PEAK1: variants seen among roughly 807,000 people sequenced by gnomAD.
PEAK1 encodes the protein pseudopodium enriched atypical kinase 1.
A neutral mutation model predicts 124.7 loss-of-function variants in PEAK1; 54 were observed. The observed-to-expected ratio is 0.43, with a 90% confidence interval of 0.35 to 0.54. PEAK1 has a LOEUF of 0.54. Among genes scored for constraint, PEAK1 ranks in the 20% least tolerant of loss-of-function variants. PEAK1 has a pLI of 0.01. For synonymous variants in PEAK1, 719 were observed against 760.0 expected, an observed-to-expected ratio of 0.95 and a Z score of 0.89; for missense variants, 2,046 against 2,134.5, an observed-to-expected ratio of 0.96 and a Z score of 0.82.
Position 77,346,310 on chromosome 15 carries a change from T to G in PEAK1, c.-603+18853A>C, listed in dbSNP as rs984634774. On this transcript the variant is annotated intron_variant, in intron 2 of 9. Coordinates refer to ENST00000682557, the MANE Select transcript of PEAK1 (RefSeq NM_001385026.1). Reference sequence around the variant, plus strand: ...ATTGCAGCAGCAGGTCATTATTTTGTTCTATTCTATTGACATATTTTAACT... The same window carrying G: ...ATTGCAGCAGCAGGTCATTATTTTGGTCTATTCTATTGACATATTTTAACT... 1.1e-5 allele frequency: 11 copies of G among 957,954 alleles called. No individual in the cohort carries two copies. The African/African-American group carries it at 1.6e-4, about 14-fold the overall frequency. 59.3% of individuals were successfully genotyped at this position (957,954 alleles called of 1,614,324 possible). A position where few individuals can be genotyped will look rare whatever the true frequency, so the allele number is the denominator to read the frequency against.
At chr15:77,173,260 T>C (rs1303315213) in intron 7 of PEAK1, among the ~76,000 whole-genome samples, 2 of 152,212 alleles carry the variant, frequency 1.3e-5, no homozygotes, top group Admixed American at 1.3e-4. Flanking sequence ...GCATGATCAC[T>C]AATTGACCTT....
At chr15:77,314,812 A>G (rs2064770557) in intron 2 of PEAK1, among the ~76,000 whole-genome samples, 1 of 152,312 alleles carries the variant, frequency 6.6e-6, no homozygotes, top group African/African-American at 2.4e-5. Context: ...TAAGCATGAC[A>G]TACTTTTGCT....
chr15:77,321,182 G>T (rs1027606856), intron 2 of PEAK1, among the ~76,000 whole-genome samples: 1 of 152,156 alleles, frequency 6.6e-6, no homozygotes, highest in Non-Finnish European at 1.5e-5. Context: ...CCCAGTAATG[G>T]GATGGCTGGG....
chr15:77,173,233 TA>T (rs1232378747), intron 7 of PEAK1, among the ~76,000 whole-genome samples: 4 of 152,202 alleles, frequency 2.6e-5, no homozygotes, highest in Non-Finnish European at 5.9e-5. Context: ...CTTTGTATTA[TA>T]AAAATAGTAA....
chr15:77,382,096 C>G (rs2069529743), intron 1 of PEAK1, among the ~76,000 whole-genome samples: 1 of 152,158 alleles, frequency 6.6e-6, no homozygotes, highest in African/African-American at 2.4e-5. Context: ...CTCTCTCACT[C>G]TCACTCATAC....
intron 5 of PEAK1, among the ~76,000 whole-genome samples, chr15:77,254,373 T>G (rs1006371745): frequency 6.6e-6 from 1 of 152,102 alleles, no homozygotes; most frequent in African/African-American, 2.4e-5. Flanking sequence ...TATAAAAATT[T>G]TTTCTCTTTA....
intron 1 of PEAK1, chr15:77,403,428 A>G (rs1211355979): frequency 1.1e-6 from 1 of 921,184 alleles, no homozygotes; most frequent in Non-Finnish European, 1.3e-6. Flanking sequence ...AGGCAATCTT[A>G]CATATTGATT....
chr15:77,230,182 A>C (rs2059847447), intron 6 of PEAK1, among the ~76,000 whole-genome samples: 1 of 149,930 alleles, frequency 6.7e-6, no homozygotes, highest in Admixed American at 6.8e-5. Context: ...GACATCATGC[A>C]AGTGACAGCA....
chr15:77,121,968 T>C (rs2051958903), intron 9 of PEAK1, among the ~76,000 whole-genome samples: 1 of 152,180 alleles, frequency 6.6e-6, no homozygotes, highest in African/African-American at 2.4e-5. Context: ...ACTTCTAAAT[T>C]GATATCCAGT....
chr15:77,298,032 T>A (rs1252013894), intron 2 of PEAK1, among the ~76,000 whole-genome samples: 1 of 110,588 alleles, frequency 9.0e-6, no homozygotes, highest in African/African-American at 3.6e-5. Flanking sequence ...CAGTCTGCAG[T>A]CCGGCCTGGG....
chr15:77,161,298 G>C (rs992987072), intron 7 of PEAK1, among the ~76,000 whole-genome samples: 1 of 152,158 alleles, frequency 6.6e-6, no homozygotes, highest in Non-Finnish European at 1.5e-5. Context: ...ACTGCACCTT[G>C]ACCCTTACCT....
intron 1 of PEAK1, among the ~76,000 whole-genome samples, chr15:77,374,767 C>G (rs1184391943): frequency 2.1e-4 from 32 of 152,038 alleles, no homozygotes; most frequent in Admixed American, 2.1e-3. Flanking sequence ...GGATAAATAG[C>G]AGCAAGAGAA....
chr15:77,318,786 C>G (rs2065028563), intron 2 of PEAK1, among the ~76,000 whole-genome samples: 1 of 151,986 alleles, frequency 6.6e-6, no homozygotes, highest in Admixed American at 6.6e-5. Context: ...TCCCTCTCTC[C>G]CCAGCTTGCA....
At position 77,163,136 on chromosome 15, in the gene PEAK1, C is replaced by G. The variant is rs532740944; in HGVS notation, c.3138-4440G>C. Among the ~76,000 whole-genome samples, 165 of 152,284 alleles carry G rather than the reference C, an allele frequency of 1.1e-3. 2 individuals are homozygous for G. Among genetic ancestry groups the G allele is most frequent in the Middle Eastern group, 3.4e-3 (1 of 294 alleles). On this transcript the variant is annotated intron_variant, in intron 7 of 9. Transcript: ENST00000682557. ...ACTTGGCCTACTTTTTGTCCTGAAC[C>G]TTCAGCGTTCCTTCTGCTTTCACAG... is the stretch of plus-strand genomic sequence containing the variant.
At chr15:77,316,727 C>T (rs1173222818) in intron 2 of PEAK1, among the ~76,000 whole-genome samples, 1 of 152,160 alleles carries the variant, frequency 6.6e-6, no homozygotes, top group East Asian at 1.9e-4. Context: ...GAAGTAACAA[C>T]ATAGCTATTA....
intron 2 of PEAK1, among the ~76,000 whole-genome samples, chr15:77,301,388 A>G (rs913502923): frequency 1.3e-5 from 2 of 152,196 alleles, no homozygotes; most frequent in African/African-American, 4.8e-5. Flanking sequence ...CTTAATGTAA[A>G]GACATCTGCA....
rs2062549701 is a variant in PEAK1, at chr15:77,279,568, A to G, written c.-275+4315T>C. Among the ~76,000 whole-genome samples, 3 of 152,086 alleles carry G rather than the reference A, an allele frequency of 2.0e-5. No individual in the cohort carries two copies. In the South Asian group the frequency reaches 6.2e-4, roughly 32 times the overall value. On this transcript the variant is annotated intron_variant, in intron 5 of 9. Transcript: ENST00000682557. ...TCTTCAGATAAATTCTGTCATTTTC[A>G]TTTCACTTCCTGAGTCAGGATCGGC...
chr15:77,414,582 T>C (rs1165407864), intron 1 of PEAK1, among the ~76,000 whole-genome samples: 1 of 152,170 alleles, frequency 6.6e-6, no homozygotes, highest in Non-Finnish European at 1.5e-5. Context: ...AAGAATGGGC[T>C]TTGAATCCTG....
chr15:77,324,812 T>C lies in PEAK1; in HGVS notation c.-602-38308A>G, dbSNP rs765909676. 3.8e-4 allele frequency among the ~76,000 whole-genome samples: 58 copies of C among 152,124 alleles called. 1 individual carries two copies. The highest frequency in any genetic ancestry group is 3.3e-4 in the Admixed American group (5 of 15,270). Reference sequence around the variant, plus strand: ...GTACCAAGGGGATGGTACTAAACCATTGATGAGAAATTTGCCCCCATGATC... The same window carrying C: ...GTACCAAGGGGATGGTACTAAACCACTGATGAGAAATTTGCCCCCATGATC... On this transcript the variant is annotated intron_variant, in intron 2 of 9. Transcript: ENST00000682557.
Sources: allele counts gnomAD v4.1 joint callset (sites outside exome capture counted in the v4.1 genomes callset), GRCh38; gene constraint gnomAD v4.1.1; transcripts MANE v1.5; gene names NCBI Gene and HGNC (gene_info 2026-07-23, HGNC 2026-07-21).